Variants in GLIS3 observed in about 807,000 individuals in gnomAD.
GLIS3 encodes GLIS family zinc finger 3, also known as zinc finger protein GLIS3.
GLIS3 carries 53 observed loss-of-function variants against 78.6 expected under a neutral mutation model. The ratio of observed to expected loss-of-function variants is 0.67; its 90% CI spans 0.54 to 0.85. GLIS3 has a LOEUF of 0.85. GLIS3 is among the 40% of genes least tolerant of loss of function. The probability of loss-of-function intolerance (pLI) is 0.00; values close to 1 mark genes in which losing one functional copy is unlikely to be tolerated. For synonymous variants in GLIS3, 684 were observed against 509.9 expected (o/e 1.34, Z -4.60); for missense variants, 1,703 against 1,231.1 (o/e 1.38, Z -5.74).
intron 4 of GLIS3, among the ~76,000 whole-genome samples, chr9:3,944,505 T>C (rs894858513): frequency 1.3e-5 from 2 of 152,324 alleles, no homozygotes; most frequent in African/African-American, 4.8e-5. Context: ...AGTGAATAAT[T>C]ATTTCTGTGA....
rs1448181186 is a variant in GLIS3 at position 3,828,291 on chromosome 9, G to A, written c.2774C>T (p.Ser925Phe). ...GAGCTTTTAGCCTTCGGTGTAGACA[G>A]AGGAGAGCTGGCTAGGACAGCGGTC... is the stretch of plus-strand genomic sequence containing the variant. Reference protein sequence around the residue: ...TVDRCPSQLSSVYTEG With the variant: ...TVDRCPSQLSFVYTEG Residue 925 changes from serine to phenylalanine, a missense_variant, in exon 11 of 11, where the codon TCT (serine) becomes TTT (phenylalanine). Physicochemically the swap from Ser to Phe is radical, Grantham distance 155 (BLOSUM62 -2). Coordinates refer to ENST00000381971, the MANE Select transcript of GLIS3 (RefSeq NM_001042413.2). The A allele has an allele frequency of 1.9e-6, 3 of 1,613,988 alleles. No homozygotes were observed. The highest frequency in any genetic ancestry group is 2.5e-6 in the Non-Finnish European group (3 of 1,180,026).
rs144627010 is a variant in GLIS3 at position 4,096,919 on chromosome 9, G to A, written c.1710+20849C>T. On this transcript the variant is annotated intron_variant, in intron 4 of 10. Transcript: ENST00000381971. ...CCCAGCTACTCGGGAGGCTGAGGCA[G>A]GAGAATCTCTTGGACCCAGGAGGCA... Among the ~76,000 whole-genome samples, 341 of 152,290 alleles carry A rather than the reference G, an allele frequency of 2.2e-3. 1 individual carries two copies. Among genetic ancestry groups the A allele is most frequent in the Middle Eastern group, 0.01 (3 of 294 alleles).
the GLIS3 span, among the ~76,000 whole-genome samples, chr9:4,465,733 C>A: frequency 6.6e-6 from 1 of 152,012 alleles, no homozygotes; most frequent in African/African-American, 2.4e-5. Context: ...TATGCATCTA[C>A]AAAAATTTTT....
At chr9:4,337,159 C>T (rs926284895) in intron 2 of GLIS3, among the ~76,000 whole-genome samples, 1 of 152,188 alleles carries the variant, frequency 6.6e-6, no homozygotes, top group Non-Finnish European at 1.5e-5. Context: ...TTTGGCAACA[C>T]ATAGAATCAT....
At chr9:4,186,868 T>G (rs1047426864) in intron 2 of GLIS3, among the ~76,000 whole-genome samples, 6 of 152,214 alleles carry the variant, frequency 3.9e-5, no homozygotes, top group African/African-American at 1.2e-4. Flanking sequence ...TAAATTTGTT[T>G]GAGTTCATTG....
intron 4 of GLIS3, among the ~76,000 whole-genome samples, chr9:4,019,531 T>A (rs1364915354): frequency 6.6e-6 from 1 of 152,172 alleles, no homozygotes; most frequent in African/African-American, 2.4e-5. Context: ...CAGCGAAGAC[T>A]TCTGCTCTCA....
intron 4 of GLIS3, among the ~76,000 whole-genome samples, chr9:3,948,676 G>C (rs1000588707): frequency 6.6e-6 from 1 of 152,130 alleles, no homozygotes; most frequent in Non-Finnish European, 1.5e-5. Flanking sequence ...CATCATCTTA[G>C]TTTAAATTTG....
At chr9:4,103,837 G>C (rs188847845) in intron 4 of GLIS3, among the ~76,000 whole-genome samples, 2 of 152,128 alleles carry the variant, frequency 1.3e-5, no homozygotes, top group South Asian at 2.1e-4. Flanking sequence ...ATTGATGGCA[G>C]GCTAACTTGG....
the GLIS3 span, among the ~76,000 whole-genome samples, chr9:4,447,781 T>A: frequency 2.0e-5 from 3 of 152,204 alleles, no homozygotes; most frequent in Non-Finnish European, 2.9e-5. Flanking sequence ...GCCAAGAGGT[T>A]ATGGAAAGCA....
At chr9:4,313,954 C>A (rs1817402647) in intron 2 of GLIS3, among the ~76,000 whole-genome samples, 1 of 152,128 alleles carries the variant, frequency 6.6e-6, no homozygotes, top group African/African-American at 2.4e-5. Context: ...AAACTGAAGT[C>A]CAGAAAGAGT....
At chr9:4,121,663 C>CA (rs1385781169) in intron 3 of GLIS3, among the ~76,000 whole-genome samples, 2 of 127,088 alleles carry the variant, frequency 1.6e-5, no homozygotes, top group Admixed American at 7.8e-5. Context: ...ACACACACAC[C>CA]CCAAAGTTCT....
chr9:4,251,270 C>T (rs1411409022), intron 2 of GLIS3, among the ~76,000 whole-genome samples: 4 of 152,154 alleles, frequency 2.6e-5, no homozygotes, highest in African/African-American at 9.7e-5. Flanking sequence ...TAAGAGCTTG[C>T]TTTATGAATC....
intron 2 of GLIS3, among the ~76,000 whole-genome samples, chr9:4,283,236 G>C (rs1057232916): frequency 2.6e-5 from 4 of 151,282 alleles, no homozygotes; most frequent in African/African-American, 7.3e-5. Flanking sequence ...TATCCCTACC[G>C]GAGTCCTTAC....
intron 6 of GLIS3, among the ~76,000 whole-genome samples, chr9:3,910,336 A>T (rs182514843): frequency 4.3e-4 from 66 of 152,190 alleles, no homozygotes; most frequent in Admixed American, 2.6e-3. Context: ...GGCTGAAAAA[A>T]TTTTGTTTTG....
chr9:4,442,499 G>A, the GLIS3 span, among the ~76,000 whole-genome samples: 1 of 152,062 alleles, frequency 6.6e-6, no homozygotes, highest in Non-Finnish European at 1.5e-5. Flanking sequence ...GTGAAAACAC[G>A]ATCAGATAAT....
rs1351720384 is a variant in GLIS3, at chr9:4,306,281, C to T, written n.584+2496G>A. On this transcript the variant is annotated intron_variant and non_coding_transcript_variant, in intron 4 of 4. Coordinates refer to the GLIS3 transcript ENST00000471664. ...GAGGCAGGGGGGTCTCGCTATGTTG[C>T]CCAGGCTGTGGGTTTTTCAGGGTAA... 3.3e-5 allele frequency among the ~76,000 whole-genome samples: 5 copies of T among 151,042 alleles called. No homozygotes were observed. In the East Asian group the frequency reaches 9.9e-4, roughly 30 times the overall value.
chr9:4,209,138 G>A (rs929095633), intron 2 of GLIS3, among the ~76,000 whole-genome samples: 4 of 152,034 alleles, frequency 2.6e-5, no homozygotes, highest in East Asian at 1.9e-4. Context: ...CAAAATGGAC[G>A]CTCATGCACC....
At chr9:4,308,514 C>A (rs563649590) in intron 4 of GLIS3, among the ~76,000 whole-genome samples, 4 of 152,116 alleles carry the variant, frequency 2.6e-5, no homozygotes, top group Admixed American at 2.6e-4. Context: ...CACCTGAACA[C>A]CCTCTCCTCC....
chr9:3,870,813 A>C (rs375196802), intron 8 of GLIS3, among the ~76,000 whole-genome samples: 4 of 152,244 alleles, frequency 2.6e-5, no homozygotes, highest in African/African-American at 9.6e-5. Context: ...CCCCTGGCCC[A>C]TGCCAAATCT....
Sources: gnomAD v4.1 joint callset for allele counts (sites outside exome capture counted in the v4.1 genomes callset) on GRCh38, gnomAD v4.1.1 for gene constraint, MANE v1.5 for transcripts, NCBI Gene and HGNC (gene_info 2026-07-23, HGNC 2026-07-21) for gene names.